The following DLG2 variants were observed in gnomAD, a reference collection of about 807,000 sequenced individuals.
DLG2 encodes the protein discs large MAGUK scaffold protein 2, also known as disks large homolog 2.
Under a neutral mutation model 132.5 loss-of-function variants are expected in DLG2, and 45 were observed. The observed-to-expected ratio is 0.34, with a 90% CI of 0.27 to 0.44. The LOEUF is 0.44. DLG2 is among the 20% of genes least tolerant of loss of function. The pLI is 1.00. For synonymous variants in DLG2, 424 were observed against 419.6 expected (o/e 1.01, Z -0.13); for missense variants, 1,045 against 1,196.9 (o/e 0.87, Z 1.87).
chr11:84,271,736 T>C (rs1264018501), intron 7 of DLG2, among the ~76,000 whole-genome samples: 2 of 152,058 alleles, frequency 1.3e-5, no homozygotes, highest in Non-Finnish European at 2.9e-5. Flanking sequence ...TTAGTTCCTT[T>C]CTCCAACTTA....
intron 7 of DLG2, among the ~76,000 whole-genome samples, chr11:84,483,299 G>GC (rs772567914): frequency 7.2e-5 from 11 of 151,816 alleles, no homozygotes; most frequent in Non-Finnish European, 1.3e-4. Context: ...AGGCATGATG[G>GC]CGGGTGCCTG....
At chr11:84,154,326 C>T (rs931270387) in intron 9 of DLG2, among the ~76,000 whole-genome samples, 1 of 152,160 alleles carries the variant, frequency 6.6e-6, no homozygotes, top group Middle Eastern at 3.2e-3. Flanking sequence ...AAAAGTAATA[C>T]ATGCTTATTC....
chr11:85,284,112 T>C (rs2078408244), intron 4 of DLG2, among the ~76,000 whole-genome samples: 1 of 151,870 alleles, frequency 6.6e-6, no homozygotes. Context: ...ATGCCCTATA[T>C]GCTATTGTCC....
intron 6 of DLG2, among the ~76,000 whole-genome samples, chr11:84,672,731 AG>A (rs2099707241): frequency 6.6e-6 from 1 of 152,112 alleles, no homozygotes; most frequent in South Asian, 2.1e-4. Flanking sequence ...TGATAGTTAA[AG>A]TTTTAGCAGC....
chr11:85,335,800 T>G (rs1596328655), intron 3 of DLG2, among the ~76,000 whole-genome samples: 4 of 147,140 alleles, frequency 2.7e-5, no homozygotes, highest in African/African-American at 5.0e-5. Flanking sequence ...TATCAGGGGG[T>G]GGGGGACTAG....
intron 21 of DLG2, among the ~76,000 whole-genome samples, chr11:83,487,191 A>G (rs1289803814): frequency 1.3e-5 from 2 of 152,096 alleles, no homozygotes; most frequent in Non-Finnish European, 2.9e-5. Flanking sequence ...CTTTCATAGC[A>G]GGAAACATCT....
At chr11:84,806,727 C>T (rs577591060) in intron 6 of DLG2, among the ~76,000 whole-genome samples, 22 of 152,262 alleles carry the variant, frequency 1.4e-4, no homozygotes, top group Non-Finnish European at 2.6e-4. Flanking sequence ...AAGAAGAATG[C>T]TTCGAACATC....
chr11:84,471,680 T>C (rs748033079), intron 7 of DLG2, among the ~76,000 whole-genome samples: 2 of 151,826 alleles, frequency 1.3e-5, no homozygotes, highest in Non-Finnish European at 2.9e-5. Context: ...CAGTAAGGAA[T>C]TCCTTCATCT....
At chr11:85,378,502 A>C (rs1335079774) in intron 3 of DLG2, among the ~76,000 whole-genome samples, 1 of 152,170 alleles carries the variant, frequency 6.6e-6, no homozygotes, top group Non-Finnish European at 1.5e-5. Context: ...GACTTGGTAT[A>C]TAGCACTTCA....
At chr11:83,976,452 G>A (rs1001949069) in intron 12 of DLG2, among the ~76,000 whole-genome samples, 6 of 151,862 alleles carry the variant, frequency 4.0e-5, no homozygotes, top group African/African-American at 2.4e-5. Context: ...TTTGTGGGAG[G>A]AGAGTAGAAG....
At chr11:85,528,053 T>C (rs777681494) in intron 3 of DLG2, among the ~76,000 whole-genome samples, 16 of 152,252 alleles carry the variant, frequency 1.1e-4, no homozygotes, top group Non-Finnish European at 2.1e-4. Context: ...CTTGTAGATT[T>C]ATTTAAGTTC....
chr11:83,580,901 C>T (rs192827487), intron 19 of DLG2, among the ~76,000 whole-genome samples: 4,935 of 83,556 alleles, frequency 0.059, 401 homozygotes, highest in African/African-American at 0.22. Flanking sequence ...CTCCCTTCCC[C>T]TCCCCTCCCC....
At chr11:84,139,683 A>G (rs753256436) in intron 9 of DLG2, among the ~76,000 whole-genome samples, 24 of 152,246 alleles carry the variant, frequency 1.6e-4, no homozygotes, top group Non-Finnish European at 3.4e-4. Context: ...CACATTCACA[A>G]AGCAGGTAAG....
chr11:85,192,390 G>C (rs1044229298), intron 4 of DLG2, among the ~76,000 whole-genome samples: 1 of 152,146 alleles, frequency 6.6e-6, no homozygotes, highest in Non-Finnish European at 1.5e-5. Context: ...CTGTGACATA[G>C]AGATAGTTAT....
At chr11:84,508,282 G>C (rs1186733796) in intron 7 of DLG2, among the ~76,000 whole-genome samples, 1 of 151,832 alleles carries the variant, frequency 6.6e-6, no homozygotes, top group Non-Finnish European at 1.5e-5. Context: ...AGCATAGTTT[G>C]GCCTCAAGGC....
At chr11:83,828,359 C>T (rs1595045075) in intron 17 of DLG2, among the ~76,000 whole-genome samples, 1 of 152,286 alleles carries the variant, frequency 6.6e-6, no homozygotes, top group African/African-American at 2.4e-5. Flanking sequence ...CGCCACTGTG[C>T]TCCAGCCTGT....
chr11:83,542,451 T>C (rs1004334198), intron 19 of DLG2, among the ~76,000 whole-genome samples: 27 of 152,136 alleles, frequency 1.8e-4, no homozygotes, highest in Admixed American at 1.8e-3. Context: ...ATGCTTAAAA[T>C]GCAGTAAATT....
Position 84,902,251 on chromosome 11 carries a change from T to A in DLG2, c.357+209410A>T, listed in dbSNP as rs143775458. Among the ~76,000 whole-genome samples the A allele has an allele frequency of 2.0e-3, 300 of 152,250 alleles. 1 individual carries two copies. Among genetic ancestry groups the A allele is most frequent in the African/African-American group, 6.8e-3 (282 of 41,562 alleles). Reference sequence around the variant, plus strand: ...CAGATGGCAAATCCATGGCTACAGTTGGAACCTGCAAAACTAAGAACTCTG... The same window carrying A: ...CAGATGGCAAATCCATGGCTACAGTAGGAACCTGCAAAACTAAGAACTCTG... On this transcript the variant is annotated intron_variant, in intron 6 of 27. Coordinates refer to ENST00000376104, the MANE Select transcript of DLG2 (RefSeq NM_001142699.3).
chr11:83,743,525 C>T (rs1304848954), intron 18 of DLG2, among the ~76,000 whole-genome samples: 2 of 149,160 alleles, frequency 1.3e-5, no homozygotes, highest in African/African-American at 5.0e-5. Context: ...TTTCGACTTC[C>T]TGGGTTTAAG....
Sources: allele counts gnomAD v4.1 joint callset (sites outside exome capture counted in the v4.1 genomes callset), GRCh38; gene constraint gnomAD v4.1.1; transcripts MANE v1.5; gene names NCBI Gene and HGNC (gene_info 2026-07-23, HGNC 2026-07-21).